The following RBL2 variants were observed in gnomAD, a reference collection of about 807,000 sequenced individuals.
The protein encoded by RBL2 is retinoblastoma-like protein 2.
Under a neutral mutation model 126.0 loss-of-function variants are expected in RBL2, and 56 were observed. That is an observed-to-expected ratio of 0.44 (90% confidence interval 0.36 to 0.56). RBL2 has a LOEUF of 0.56. Among genes scored for constraint, RBL2 ranks in the 20% least tolerant of loss-of-function variants. RBL2 has a pLI of 0.00. For synonymous variants in RBL2, 454 were observed against 478.5 expected, an observed-to-expected ratio of 0.95 and a Z score of 0.67; for missense variants, 1,229 against 1,398.2, an observed-to-expected ratio of 0.88 and a Z score of 1.93.
chr16:53,440,953 C>CTTTTTTTTTTTTTTTTTTTTTTTTTT (rs1178378934), intron 2 of RBL2, among the ~76,000 whole-genome samples: 6 of 71,662 alleles, frequency 8.4e-5, no homozygotes, highest in Admixed American at 2.0e-4. Context: ...TTTTTCAGTT[C>CTTTTTTTTTTTTTTTTTTTTTTTTTT]TTTTTTTTTT....
intron 2 of RBL2, among the ~76,000 whole-genome samples, chr16:53,440,097 A>G (rs1265356910): frequency 1.3e-5 from 2 of 152,008 alleles, no homozygotes; most frequent in African/African-American, 2.4e-5. Flanking sequence ...AGAATTGGAG[A>G]TCAGCCTGGC....
At position 53,435,962 on chromosome 16, in the gene RBL2, A is replaced by G. The variant is rs183165698; in HGVS notation, c.240+1166A>G. Among the ~76,000 whole-genome samples, 573 of 152,290 alleles carry G rather than the reference A, an allele frequency of 3.8e-3. 7 individuals carry two copies. The highest frequency in any genetic ancestry group is 0.013 in the African/African-American group (532 of 41,570). On this transcript the variant is annotated intron_variant, in intron 1 of 21. Coordinates refer to ENST00000262133, the MANE Select transcript of RBL2 (RefSeq NM_005611.4). ...CTCTAAACTGGAGATATTTGTGTTT[A>G]CCTCACAGAGCTGTTCTGAAGATTA...
chr16:53,481,590 CCT>C (rs1960948225), intron 20 of RBL2, 79 bp from the exon 21 acceptor site: 1 of 1,256,876 alleles, frequency 8.0e-7, no homozygotes, highest in Non-Finnish European at 1.1e-6. Context: ...GTTTAGCACA[CCT>C]CTTCACTCAA....
At chr16:53,446,935 T>C (rs2058067772) in intron 3 of RBL2, 107 bp from the exon 4 acceptor site, 1 of 536,918 alleles carries the variant, frequency 1.9e-6, no homozygotes, top group African/African-American at 1.9e-5. Flanking sequence ...ATCTGTTGTC[T>C]CTCCCTTTAA....
In RBL2 at chr16:53,470,001, T is replaced by C. The variant is rs775004979; in HGVS notation, c.2061T>C (p.Asp687=). 11 of 1,614,076 alleles carry C rather than the reference T, an allele frequency of 6.8e-6. No individual in the cohort carries two copies. In the Middle Eastern group the frequency reaches 4.9e-4, roughly 72 times the overall value. The change falls in exon 15 of 22, where the codon GAT becomes GAC. Residue 687 remains aspartate (D), a synonymous_variant. Transcript: ENST00000262133. The part of the protein sequence containing the change: ...TTRRRLFVEN[D]SPSDGGTPGR... ...GAAGGCGGCTATTTGTTGAGAATGA[T>C]AGCCCCTCTGATGGAGGGACGCCTG...
intron 10 of RBL2, among the ~76,000 whole-genome samples, chr16:53,462,230 G>A (rs1441680453): frequency 6.6e-6 from 1 of 152,134 alleles, no homozygotes; most frequent in Non-Finnish European, 1.5e-5. Flanking sequence ...CTAAGTAGGT[G>A]TGGACTAGTA....
intron 18 of RBL2, 81 bp downstream of exon 18, chr16:53,479,306 G>C: frequency 7.6e-7 from 1 of 1,315,686 alleles, no homozygotes; most frequent in Non-Finnish European, 1.1e-6. Flanking sequence ...AGTTGACTCT[G>C]TGGCCTTTTT....
chr16:53,466,853 C>G (rs2058277272), intron 13 of RBL2: 1 of 481,362 alleles, frequency 2.1e-6, no homozygotes, highest in Non-Finnish European at 3.8e-6. Flanking sequence ...AAGTTTGACT[C>G]ATATTTAGTA....
At chr16:53,460,005 T>G (rs1246651935) in intron 9 of RBL2, among the ~76,000 whole-genome samples, 1 of 152,138 alleles carries the variant, frequency 6.6e-6, no homozygotes, top group Non-Finnish European at 1.5e-5. Context: ...GAAGGGTGAC[T>G]CAGATTTGAA....
At chr16:53,485,184 C>G (rs1285945325) in intron 21 of RBL2, among the ~76,000 whole-genome samples, 4 of 152,124 alleles carry the variant, frequency 2.6e-5, no homozygotes, top group Non-Finnish European at 5.9e-5. Context: ...GACCATAAAA[C>G]AAGTCTCGAT....
chr16:53,442,942 T>G, intron 3 of RBL2, 84 bp downstream of exon 3: 1 of 1,042,016 alleles, frequency 9.6e-7, no homozygotes, highest in East Asian at 2.7e-5. Context: ...TTTTTCTGGT[T>G]TTAAAAAAGA....
rs1961446751 is a variant in RBL2 at position 53,491,429 on chromosome 16, A to T, written c.*1129A>T. ...AATCACTATTGTTCCAGCAGTTTTC[A>T]AGTCAAATTAATAATCTTATTAGGG... On this transcript the variant is annotated 3_prime_UTR_variant, in exon 22 of 22. Transcript: ENST00000262133. 1 of 152,424 alleles carries T rather than the reference A, an allele frequency of 6.6e-6. No individual in the cohort carries two copies. Among genetic ancestry groups the T allele is most frequent in the Non-Finnish European group, 1.5e-5 (1 of 68,024 alleles). The allele number at this position is 152,424 out of a possible 1,614,324, so 9.4% of individuals were successfully genotyped here.
chr16:53,489,347 T>A (rs1961305233), intron 21 of RBL2: 1 of 152,186 alleles, frequency 6.6e-6, no homozygotes. Context: ...ATAATAGATA[T>A]CTGTGAATTT....
At chr16:53,460,933 A>G (rs2058213552) in intron 9 of RBL2, among the ~76,000 whole-genome samples, 1 of 152,216 alleles carries the variant, frequency 6.6e-6, no homozygotes, top group Non-Finnish European at 1.5e-5. Context: ...ATTGCTTTCT[A>G]ATAATAGAAA....
chr16:53,462,853 C>G (rs949481322), intron 11 of RBL2, among the ~76,000 whole-genome samples, 198 bp downstream of exon 11: 1 of 151,444 alleles, frequency 6.6e-6, no homozygotes, highest in Non-Finnish European at 1.5e-5. Flanking sequence ...ATGTATTTAC[C>G]TATTTGAGAT....
Position 53,471,408 on chromosome 16 carries a change from C to T in RBL2, c.2703+486C>T, listed in dbSNP as rs138793991. Among the ~76,000 whole-genome samples the T allele has an allele frequency of 1.1e-4, 16 of 152,216 alleles. No homozygotes were observed. In the East Asian group the frequency reaches 2.7e-3, roughly 26 times the overall value. ...TTCTCCACTATCTCATTAACACTTA[C>T]TATCTTACTTTGTTTAAATAACTTA... is the stretch of plus-strand genomic sequence containing the variant. On this transcript the variant is annotated intron_variant, in intron 17 of 21. Coordinates refer to ENST00000262133, the MANE Select transcript of RBL2 (RefSeq NM_005611.4).
At chr16:53,484,847 A>G (rs1961099089) in intron 21 of RBL2, among the ~76,000 whole-genome samples, 1 of 152,180 alleles carries the variant, frequency 6.6e-6, no homozygotes, top group Admixed American at 6.6e-5. Context: ...TATCTCAATA[A>G]AGCTGGAAGG....
At chr16:53,458,838 G>GA (rs2058192753) in intron 8 of RBL2, among the ~76,000 whole-genome samples, 4 of 152,106 alleles carry the variant, frequency 2.6e-5, no homozygotes, top group Admixed American at 6.6e-5. Context: ...GAATAGAACG[G>GA]GAAAGACTGG....
At position 53,479,144 on chromosome 16, in the gene RBL2, T is replaced by C; in HGVS notation, c.2704-10T>C. 1 of 1,609,722 alleles carries C rather than the reference T, an allele frequency of 6.2e-7. No individual in the cohort carries two copies. The highest frequency in any genetic ancestry group is 8.5e-7 in the Non-Finnish European group (1 of 1,176,044). On this transcript the variant is annotated splice_polypyrimidine_tract_variant and intron_variant, in intron 17 of 21. Coordinates refer to ENST00000262133, the MANE Select transcript of RBL2 (RefSeq NM_005611.4). The stretch of plus-strand genomic sequence containing the variant: ...GCCATGTCTCTCAGAGCACTCTTAT[T>C]GTTTGCCAGGTCACAAAAGAAGATA...
Sources: allele counts gnomAD v4.1 joint callset (sites outside exome capture counted in the v4.1 genomes callset), GRCh38; gene constraint gnomAD v4.1.1; transcripts MANE v1.5; gene names NCBI Gene and HGNC (gene_info 2026-07-23, HGNC 2026-07-21).